The following HMGN3 variants were observed in gnomAD, a reference collection of about 807,000 sequenced individuals.
HMGN3 encodes the protein high mobility group nucleosomal binding domain 3.
HMGN3 carries 6 observed loss-of-function variants against 18.8 expected under a neutral mutation model. That is an observed-to-expected ratio of 0.32 (90% CI 0.18 to 0.63). HMGN3 has a LOEUF of 0.63. HMGN3 is among the 30% of genes least tolerant of loss of function. HMGN3 has a pLI of 0.79. For missense variants in HMGN3, 107 were observed against 114.2 expected (o/e 0.94, Z 0.29); for synonymous variants, 40 against 36.5 (o/e 1.10, Z -0.35).
At position 79,207,938 on chromosome 6, in the gene HMGN3, A is replaced by G. The variant is rs1468000832; in HGVS notation, c.96+609T>C. Among the ~76,000 whole-genome samples the G allele has an allele frequency of 2.6e-5, 4 of 152,298 alleles. No individual in the cohort carries two copies. The East Asian group carries it at 7.7e-4, about 29-fold the overall frequency. ...TAATCTCTCAGGAGAGCAGCAAAAGAGAAGAGCATAAGAACCAGTAAGGAG... is the reference window on the plus strand; with the variant it reads ...TAATCTCTCAGGAGAGCAGCAAAAGGGAAGAGCATAAGAACCAGTAAGGAG... On this transcript the variant is annotated intron_variant, in intron 3 of 5. Coordinates refer to ENST00000344726, the Ensembl canonical transcript of HMGN3.
chr6:79,211,505 AGTG>A (rs963693169), intron 2 of HMGN3, among the ~76,000 whole-genome samples: 1 of 148,944 alleles, frequency 6.7e-6, no homozygotes, highest in African/African-American at 2.5e-5. Flanking sequence ...CCTCAGGAAA[AGTG>A]GTCCAGAGAC....
chr6:79,234,377 G>C (rs1778036380), intron 1 of HMGN3, 169 bp downstream of exon 1: 1 of 428,596 alleles, frequency 2.3e-6, no homozygotes, highest in Non-Finnish European at 4.2e-6. Flanking sequence ...GGGTAGGGGG[G>C]ACAGAGAGAG....
At chr6:79,229,344 CAAT>C (rs1437941313) in intron 1 of HMGN3, among the ~76,000 whole-genome samples, 1 of 152,032 alleles carries the variant, frequency 6.6e-6, no homozygotes, top group East Asian at 1.9e-4. Context: ...AGAACTCTTT[CAAT>C]AATAAGACAA....
At chr6:79,207,233 G>A (rs969734214) in intron 3 of HMGN3, among the ~76,000 whole-genome samples, 2 of 152,096 alleles carry the variant, frequency 1.3e-5, no homozygotes, top group African/African-American at 4.8e-5. Context: ...GGGGCTGGGG[G>A]CAGAATGATA....
At chr6:79,205,164 A>G (rs755967904) in intron 3 of HMGN3, among the ~76,000 whole-genome samples, 25 of 152,196 alleles carry the variant, frequency 1.6e-4, no homozygotes, top group Non-Finnish European at 2.9e-4. Context: ...TTTGTTTTAA[A>G]CTTTGGTTTT....
intron 1 of HMGN3, among the ~76,000 whole-genome samples, chr6:79,224,435 T>C (rs925630843): frequency 2.0e-5 from 3 of 152,206 alleles, no homozygotes; most frequent in Non-Finnish European, 4.4e-5. Flanking sequence ...TTCATGAGCC[T>C]CTTGAAATAA....
chr6:79,202,453 A>C, intron 4 of HMGN3, 64 bp from the exon 5 acceptor site: 1 of 1,286,182 alleles, frequency 7.8e-7, no homozygotes, highest in South Asian at 1.2e-5. Context: ...GGCTAAAATC[A>C]ATCAGCCTCT....
At chr6:79,213,064 A>G (rs150722314) in intron 2 of HMGN3, among the ~76,000 whole-genome samples, 80 of 151,530 alleles carry the variant, frequency 5.3e-4, no homozygotes, top group African/African-American at 1.8e-3. Context: ...TAAAAATAAC[A>G]ATTAAAAATA....
chr6:79,203,673 A>C, intron 3 of HMGN3, 43 bp from the exon 4 acceptor site: 2 of 1,456,064 alleles, frequency 1.4e-6, no homozygotes, highest in Non-Finnish European at 1.9e-6. Context: ...AAAAAAAAAA[A>C]AAACTATCAG....
At chr6:79,208,415 G>A in intron 3 of HMGN3, 132 bp downstream of exon 3, 2 of 780,724 alleles carry the variant, frequency 2.6e-6, no homozygotes, top group Admixed American at 2.1e-5. Flanking sequence ...TAGACATGAG[G>A]ACCCTAGGTA....
chr6:79,224,585 T>A (rs1777468735), intron 1 of HMGN3, among the ~76,000 whole-genome samples: 1 of 152,200 alleles, frequency 6.6e-6, no homozygotes, highest in Non-Finnish European at 1.5e-5. Context: ...CACCAAATCA[T>A]CTATAATTTT....
At chr6:79,230,071 A>G (rs1000414257) in intron 1 of HMGN3, among the ~76,000 whole-genome samples, 1 of 152,234 alleles carries the variant, frequency 6.6e-6, no homozygotes, top group African/African-American at 2.4e-5. Context: ...AACAAAAATG[A>G]GTATATCCAT....
intron 3 of HMGN3, among the ~76,000 whole-genome samples, chr6:79,207,661 A>G (rs1321799996): frequency 6.6e-6 from 1 of 152,186 alleles, no homozygotes; most frequent in African/African-American, 2.4e-5. Flanking sequence ...AAACAGCTGT[A>G]TTTCTGAACT....
At chr6:79,231,856 GT>G (rs1299465584) in intron 1 of HMGN3, among the ~76,000 whole-genome samples, 1 of 152,172 alleles carries the variant, frequency 6.6e-6, no homozygotes, top group East Asian at 1.9e-4. Flanking sequence ...TTATTCAACT[GT>G]TTTGTGCTGC....
intron 3 of HMGN3, among the ~76,000 whole-genome samples, chr6:79,205,647 T>C (rs1776387969): frequency 6.6e-6 from 1 of 152,172 alleles, no homozygotes; most frequent in South Asian, 2.1e-4. Context: ...ATACAGTAAA[T>C]TGGTACCAGA....
intron 1 of HMGN3, 190 bp downstream of exon 1, chr6:79,234,355 TG>T: frequency 2.0e-6 from 1 of 499,450 alleles, no homozygotes; most frequent in Non-Finnish European, 3.6e-6. Flanking sequence ...AAGAGATCGA[TG>T]AGGACGGAGT....
At chr6:79,206,305 C>T (rs182361349) in intron 3 of HMGN3, among the ~76,000 whole-genome samples, 1 of 152,208 alleles carries the variant, frequency 6.6e-6, no homozygotes, top group Non-Finnish European at 1.5e-5. Flanking sequence ...TCTCCCATTA[C>T]AGGCCCAGAG....
intron 1 of HMGN3, among the ~76,000 whole-genome samples, chr6:79,225,549 C>T (rs1239604354): frequency 6.6e-6 from 1 of 152,128 alleles, no homozygotes; most frequent in Non-Finnish European, 1.5e-5. Context: ...TAAAATCCCT[C>T]AATATATTGT....
Position 79,208,656 on chromosome 6 carries a change from T to C in HMGN3, c.67-80A>G, listed in dbSNP as rs1318551310. ...TTGATTTTTAAAAATCTATTCTTAA[T>C]ATACCTTACTTTGTTGAATGACTAT... On this transcript the variant is annotated intron_variant, in intron 2 of 5. Transcript: ENST00000344726. The C allele has an allele frequency of 3.8e-6, 4 of 1,057,952 alleles. No individual in the cohort carries two copies. The East Asian group carries it at 9.5e-5, about 25-fold the overall frequency. 65.5% of individuals were successfully genotyped at this position (1,057,952 alleles called of 1,614,324 possible).
Sources: allele counts gnomAD v4.1 joint callset (sites outside exome capture counted in the v4.1 genomes callset), GRCh38; gene constraint gnomAD v4.1.1; transcripts MANE v1.5; gene names NCBI Gene and HGNC (gene_info 2026-07-23, HGNC 2026-07-21).